Variants in PLSCR4 observed in about 807,000 individuals in gnomAD.
PLSCR4 encodes the protein Ca(2+)-dependent phospholipid scramblase 4.
In PLSCR4, 25 loss-of-function variants were observed where a neutral mutation model predicts 36.3. The observed-to-expected ratio is 0.69, with a 90% CI of 0.50 to 0.96. PLSCR4 has a LOEUF of 0.96. PLSCR4 is among the 40% of genes least tolerant of loss of function. The probability of loss-of-function intolerance (pLI) is 0.00; values close to 1 mark genes in which losing one functional copy is unlikely to be tolerated. For missense variants in PLSCR4, 408 were observed against 414.7 expected (o/e 0.98, Z 0.14); for synonymous variants, 122 against 132.9 (o/e 0.92, Z 0.56).
chr3:146,225,973 A>C (rs9838801), intron 1 of PLSCR4, among the ~76,000 whole-genome samples: 7 of 152,092 alleles, frequency 4.6e-5, no homozygotes, highest in Non-Finnish European at 1.0e-4. Flanking sequence ...CTGCCAGCAC[A>C]CTGTCACCTC....
chr3:146,220,996 CTT>C (rs1425841162), intron 2 of PLSCR4, 71 bp from the exon 3 acceptor site: 3 of 868,682 alleles, frequency 3.5e-6, no homozygotes, highest in Non-Finnish European at 5.3e-6. Flanking sequence ...ATTCTTTTTC[CTT>C]TCTTATGGGA....
intron 1 of PLSCR4, among the ~76,000 whole-genome samples, chr3:146,238,826 T>C (rs776889754): frequency 8.5e-5 from 13 of 152,174 alleles, no homozygotes; most frequent in Non-Finnish European, 1.8e-4. Context: ...TAAAGCCATC[T>C]GAAATAGAAA....
chr3:146,211,095 T>C (rs1000530247), intron 3 of PLSCR4, among the ~76,000 whole-genome samples: 6 of 152,052 alleles, frequency 3.9e-5, no homozygotes, highest in African/African-American at 1.4e-4. Flanking sequence ...TGAGTGAAAT[T>C]AGCTGAAATA....
At chr3:146,225,829 T>C (rs1045327201) in intron 1 of PLSCR4, among the ~76,000 whole-genome samples, 32 of 152,174 alleles carry the variant, frequency 2.1e-4, no homozygotes, top group Middle Eastern at 3.4e-3. Context: ...CCCTGCAAGC[T>C]GAGGGAGTGG....
intron 1 of PLSCR4, among the ~76,000 whole-genome samples, chr3:146,228,584 G>A (rs1040380028): frequency 2.0e-5 from 3 of 152,124 alleles, no homozygotes; most frequent in African/African-American, 7.2e-5. Flanking sequence ...TTTCAGTTCA[G>A]GATAGTGACA....
intron 3 of PLSCR4, among the ~76,000 whole-genome samples, chr3:146,211,339 T>C (rs1576462145): frequency 6.6e-6 from 1 of 152,148 alleles, no homozygotes; most frequent in Admixed American, 6.6e-5. Context: ...TTATTGGCCA[T>C]TTGTATATCT....
At chr3:146,202,200 G>T (rs1354138098) in intron 4 of PLSCR4, among the ~76,000 whole-genome samples, 1 of 151,742 alleles carries the variant, frequency 6.6e-6, no homozygotes. Context: ...CTACTAAAAT[G>T]GTTTATAGTC....
intron 6 of PLSCR4, among the ~76,000 whole-genome samples, chr3:146,199,298 C>G (rs1424713314): frequency 1.3e-5 from 2 of 152,174 alleles, no homozygotes; most frequent in East Asian, 1.9e-4. Flanking sequence ...AATGAGTAAC[C>G]ACACTGTAAC....
In PLSCR4 at chr3:146,192,580, G is replaced by A. The variant is rs918947392; in HGVS notation, c.*1831C>T. ...TTAAAAAAGAAATTAAAAATATCACGTCTTATGCTAAATATATATAGATAT... is the reference window on the plus strand; with the variant it reads ...TTAAAAAAGAAATTAAAAATATCACATCTTATGCTAAATATATATAGATAT... On this transcript the variant is annotated 3_prime_UTR_variant, in exon 9 of 9. Transcript: ENST00000354952. 10 of 151,470 alleles carry A rather than the reference G, an allele frequency of 6.6e-5. No homozygotes were observed. The highest frequency in any genetic ancestry group is 2.1e-4 in the South Asian group (1 of 4,804). 9.4% of individuals were successfully genotyped at this position (151,470 alleles called of 1,614,324 possible).
intron 3 of PLSCR4, among the ~76,000 whole-genome samples, chr3:146,211,764 T>C (rs2034632987): frequency 6.6e-6 from 1 of 152,156 alleles, no homozygotes; most frequent in Non-Finnish European, 1.5e-5. Context: ...AATCATTCTT[T>C]TGTATGTTGA....
chr3:146,222,047 T>A lies in PLSCR4; in HGVS notation c.7+18A>T. On this transcript the variant is annotated intron_variant, in intron 2 of 8. Coordinates refer to ENST00000354952, the MANE Select transcript of PLSCR4 (RefSeq NM_020353.3). The stretch of plus-strand genomic sequence containing the variant: ...ATTTGAAAATAAAGCATATTCAAAT[T>A]TATTCACAAAAACTTACCTGACATT... 1 of 1,244,956 alleles carries A rather than the reference T, an allele frequency of 8.0e-7. No individual in the cohort carries two copies. The highest frequency in any genetic ancestry group is 1.6e-5 in the African/African-American group (1 of 64,086). 77.1% of individuals were successfully genotyped at this position (1,244,956 alleles called of 1,614,324 possible). A position where few individuals can be genotyped will look rare whatever the true frequency, so the allele number is the denominator to read the frequency against.
chr3:146,234,257 G>C (rs1468845294), intron 1 of PLSCR4, among the ~76,000 whole-genome samples: 1 of 152,150 alleles, frequency 6.6e-6, no homozygotes, highest in Non-Finnish European at 1.5e-5. Context: ...CTGAAACATA[G>C]TAGTAGACAC....
At chr3:146,229,157 C>A (rs908770510) in intron 1 of PLSCR4, among the ~76,000 whole-genome samples, 6 of 152,184 alleles carry the variant, frequency 3.9e-5, no homozygotes, top group Non-Finnish European at 7.3e-5. Flanking sequence ...AAAGCAATTT[C>A]TAAACTCTTG....
At chr3:146,229,293 G>C (rs890346368) in intron 1 of PLSCR4, among the ~76,000 whole-genome samples, 1 of 152,166 alleles carries the variant, frequency 6.6e-6, no homozygotes, top group Non-Finnish European at 1.5e-5. Flanking sequence ...GATGTGATTA[G>C]AGAATTGGAG....
intron 3 of PLSCR4, among the ~76,000 whole-genome samples, chr3:146,212,277 T>A (rs2034663903): frequency 6.6e-6 from 1 of 152,080 alleles, no homozygotes; most frequent in South Asian, 2.1e-4. Context: ...TTATTTTTAA[T>A]GTTATTGTAT....
intron 1 of PLSCR4, among the ~76,000 whole-genome samples, chr3:146,231,382 T>C (rs1036421744): frequency 3.3e-5 from 5 of 152,226 alleles, no homozygotes; most frequent in African/African-American, 1.2e-4. Flanking sequence ...TACCCAGTGA[T>C]GGGACTTCTG....
chr3:146,244,234 CAAAAATATTGTAT>C (rs373799473), intron 1 of PLSCR4, among the ~76,000 whole-genome samples: 45 of 152,198 alleles, frequency 3.0e-4, no homozygotes, highest in African/African-American at 9.9e-4. Flanking sequence ...ACAACATTAT[CAAAAATATTGTAT>C]AAAATTATCT....
At chr3:146,196,256 C>T in intron 7 of PLSCR4, 1 of 199,752 alleles carries the variant, frequency 5.0e-6, no homozygotes, top group Non-Finnish European at 1.0e-5. Flanking sequence ...TGTTCTGTGA[C>T]ATGTTGGGCA....
intron 1 of PLSCR4, among the ~76,000 whole-genome samples, chr3:146,234,771 T>C (rs1432528872): frequency 6.6e-6 from 1 of 152,110 alleles, no homozygotes. Context: ...CCAGGAGAAA[T>C]GAATGCATGG....
Sources: gnomAD v4.1 joint callset for allele counts (sites outside exome capture counted in the v4.1 genomes callset) on GRCh38, gnomAD v4.1.1 for gene constraint, MANE v1.5 for transcripts, NCBI Gene and HGNC (gene_info 2026-07-23, HGNC 2026-07-21) for gene names.